The following PTPRD variants were observed in gnomAD, a reference collection of about 807,000 sequenced individuals.
PTPRD encodes receptor-type tyrosine-protein phosphatase delta.
PTPRD carries 34 observed loss-of-function variants against 214.5 expected under a neutral mutation model. The ratio of observed to expected loss-of-function variants is 0.16; its 90% confidence interval spans 0.12 to 0.21. The LOEUF (loss-of-function observed/expected upper bound fraction) is 0.21. PTPRD is among the 10% of genes least tolerant of loss of function. The pLI is 1.00. For synonymous variants in PTPRD, 1,128 were observed against 845.7 expected, an observed-to-expected ratio of 1.33 and a Z score of -5.79; for missense variants, 2,545 against 2,398.7, an observed-to-expected ratio of 1.06 and a Z score of -1.27.
intron 3 of PTPRD, among the ~76,000 whole-genome samples, chr9:10,228,374 T>C (rs921666735): frequency 2.0e-5 from 3 of 152,036 alleles, no homozygotes; most frequent in African/African-American, 7.2e-5. Flanking sequence ...CCACAGGATA[T>C]TTCTGTATAT....
chr9:9,919,714 G>T (rs1045897481), intron 5 of PTPRD, among the ~76,000 whole-genome samples: 2 of 152,080 alleles, frequency 1.3e-5, no homozygotes, highest in Non-Finnish European at 2.9e-5. Context: ...TAAAGAGAAA[G>T]AACAACGGGC....
intron 10 of PTPRD, among the ~76,000 whole-genome samples, chr9:9,181,241 T>C (rs1430593239): frequency 6.6e-6 from 1 of 152,120 alleles, no homozygotes; most frequent in South Asian, 2.1e-4. Flanking sequence ...CTTAATTTCA[T>C]TTTTGTAATG....
intron 7 of PTPRD, among the ~76,000 whole-genome samples, chr9:9,682,951 A>C (rs1010706859): frequency 6.6e-6 from 1 of 151,814 alleles, no homozygotes; most frequent in African/African-American, 2.4e-5. Context: ...TTAACTGATG[A>C]ACAAGATATG....
At chr9:9,998,991 G>A (rs1053273349) in intron 4 of PTPRD, among the ~76,000 whole-genome samples, 2 of 152,062 alleles carry the variant, frequency 1.3e-5, no homozygotes, top group Non-Finnish European at 2.9e-5. Flanking sequence ...AGGGGACATC[G>A]AAAGGAAACA....
chr9:8,490,910 T>A (rs191044303), intron 27 of PTPRD, among the ~76,000 whole-genome samples: 1 of 152,286 alleles, frequency 6.6e-6, no homozygotes, highest in Non-Finnish European at 1.5e-5. Flanking sequence ...ACTAAATACC[T>A]TTACAATTAT....
intron 12 of PTPRD, among the ~76,000 whole-genome samples, chr9:8,702,251 G>T (rs1047311801): frequency 7.0e-6 from 1 of 142,196 alleles, no homozygotes; most frequent in Admixed American, 7.1e-5. Context: ...GCATTTTAGT[G>T]TGTAAAGTAA....
intron 8 of PTPRD, among the ~76,000 whole-genome samples, chr9:9,552,686 T>A (rs2080597889): frequency 6.6e-6 from 1 of 152,048 alleles, no homozygotes; most frequent in Non-Finnish European, 1.5e-5. Context: ...GAAGACTAGA[T>A]TCCTCGGTTC....
intron 8 of PTPRD, among the ~76,000 whole-genome samples, chr9:9,527,788 T>A (rs1170439639): frequency 6.6e-6 from 1 of 152,180 alleles, no homozygotes; most frequent in Admixed American, 6.5e-5. Context: ...TATGTCTCTC[T>A]TTGAGTACTG....
At chr9:9,897,777 A>T (rs2075387686) in intron 5 of PTPRD, among the ~76,000 whole-genome samples, 1 of 152,222 alleles carries the variant, frequency 6.6e-6, no homozygotes, top group East Asian at 1.9e-4. Context: ...TTTAAACTTG[A>T]TATTTTTTAA....
At chr9:10,475,171 C>A (rs531835942) in intron 2 of PTPRD, among the ~76,000 whole-genome samples, 1 of 152,052 alleles carries the variant, frequency 6.6e-6, no homozygotes, top group South Asian at 2.1e-4. Context: ...ATGAAAAACC[C>A]TTCAAAAAAT....
chr9:10,137,648 A>G (rs190520072), intron 3 of PTPRD, among the ~76,000 whole-genome samples: 4,807 of 118,410 alleles, frequency 0.041, 437 homozygotes, highest in Admixed American at 0.077. Context: ...ACATGTATAC[A>G]TATGTAACTA....
intron 11 of PTPRD, among the ~76,000 whole-genome samples, chr9:8,811,048 C>A (rs139919382): frequency 6.6e-6 from 1 of 152,284 alleles, no homozygotes; most frequent in Non-Finnish European, 1.5e-5. Context: ...GTGCGGTCAG[C>A]ATTCAGAGAA....
intron 8 of PTPRD, among the ~76,000 whole-genome samples, chr9:9,526,157 T>C (rs1353000644): frequency 6.6e-6 from 1 of 152,204 alleles, no homozygotes; most frequent in Admixed American, 6.5e-5. Context: ...ACTACAGTTA[T>C]GTTGAGTGTG....
intron 8 of PTPRD, among the ~76,000 whole-genome samples, chr9:9,480,793 A>T (rs1400782801): frequency 1.3e-5 from 2 of 152,152 alleles, no homozygotes; most frequent in Non-Finnish European, 2.9e-5. Flanking sequence ...AGAGAAAAAT[A>T]AAAAGCATAC....
At position 9,282,557 on chromosome 9, in the gene PTPRD, G is replaced by T. The variant is rs544169456; in HGVS notation, c.-202-99194C>A. ...AAATTTGTATAAATTCAGTTCCTAG[G>T]TTTGATTCTGACTGCATAAATGACC... On this transcript the variant is annotated intron_variant, in intron 9 of 45. Coordinates refer to ENST00000381196, the MANE Select transcript of PTPRD (RefSeq NM_002839.4). 4.6e-5 allele frequency among the ~76,000 whole-genome samples: 7 copies of T among 151,276 alleles called. No homozygotes were observed. In the East Asian group the frequency reaches 1.2e-3, roughly 25 times the overall value.
chr9:9,673,592 C>T (rs1230112125), intron 7 of PTPRD, among the ~76,000 whole-genome samples: 1 of 151,248 alleles, frequency 6.6e-6, no homozygotes, highest in Non-Finnish European at 1.5e-5. Context: ...ATTAAGGACT[C>T]TTGATATATT....
At chr9:8,898,540 C>T (rs971614286) in intron 11 of PTPRD, among the ~76,000 whole-genome samples, 12 of 152,118 alleles carry the variant, frequency 7.9e-5, no homozygotes, top group African/African-American at 2.7e-4. Flanking sequence ...AAAAGTATTG[C>T]ATTACATTTT....
chr9:10,365,995 T>G (rs1230248590), intron 2 of PTPRD, among the ~76,000 whole-genome samples: 1 of 152,160 alleles, frequency 6.6e-6, no homozygotes. Context: ...TGCAGAATGG[T>G]GTAGGCTGTT....
At chr9:8,384,732 G>C (rs1457968568) in intron 37 of PTPRD, among the ~76,000 whole-genome samples, 1 of 152,052 alleles carries the variant, frequency 6.6e-6, no homozygotes, top group African/African-American at 2.4e-5. Flanking sequence ...TTCCTTGTTG[G>C]TCACGCTGGT....
Sources: gnomAD v4.1 joint callset for allele counts (sites outside exome capture counted in the v4.1 genomes callset) on GRCh38, gnomAD v4.1.1 for gene constraint, MANE v1.5 for transcripts, NCBI Gene and HGNC (gene_info 2026-07-23, HGNC 2026-07-21) for gene names.